RMC1: variants seen among roughly 807,000 people sequenced by gnomAD.
RMC1 encodes regulator of MON1-CCZ1 complex.
RMC1 carries 44 observed loss-of-function variants against 95.5 expected under a neutral mutation model. That is an observed-to-expected ratio of 0.46 (90% CI 0.36 to 0.59). The LOEUF is 0.59. RMC1 is among the 20% of genes least tolerant of loss of function. The pLI is 0.00. For missense variants in RMC1, 705 were observed against 819.6 expected (o/e 0.86, Z 1.71); for synonymous variants, 320 against 303.6 (o/e 1.05, Z -0.56).
At chr18:23,515,753 G>A (rs1215855519) in intron 5 of RMC1, 103 bp from the exon 6 acceptor site, 17 of 1,387,458 alleles carry the variant, frequency 1.2e-5, no homozygotes, top group African/African-American at 8.6e-5. Flanking sequence ...GGCTGGTCTC[G>A]AACTCCTGAC....
At chr18:23,512,811 T>C (rs188396644) in intron 5 of RMC1, among the ~76,000 whole-genome samples, 1 of 152,318 alleles carries the variant, frequency 6.6e-6, no homozygotes, top group South Asian at 2.1e-4. Flanking sequence ...AGTTCAGTAG[T>C]GTTAAGTATA....
chr18:23,511,643 T>G (rs933008406), intron 5 of RMC1, among the ~76,000 whole-genome samples: 1 of 152,174 alleles, frequency 6.6e-6, no homozygotes, highest in Non-Finnish European at 1.5e-5. Context: ...ATATAAACTT[T>G]TGCAGCTAGC....
intron 6 of RMC1, 81 bp from the exon 7 acceptor site, chr18:23,516,239 C>T: frequency 1.3e-6 from 2 of 1,501,942 alleles, no homozygotes; most frequent in Non-Finnish European, 1.9e-6. Flanking sequence ...CTGTGTTTAT[C>T]CTTGTTGGTT....
At chr18:23,510,417 GT>G (rs1264146827) in intron 5 of RMC1, among the ~76,000 whole-genome samples, 1 of 152,060 alleles carries the variant, frequency 6.6e-6, no homozygotes, top group East Asian at 1.9e-4. Context: ...GGAGACCGAG[GT>G]GGGCAGATCA....
chr18:23,531,398 ATG>A (rs2058500123), intron 19 of RMC1: 2 of 809,992 alleles, frequency 2.5e-6, no homozygotes, highest in Non-Finnish European at 3.6e-6. Flanking sequence ...TTCTAGCTCA[ATG>A]TAAGACGGCA....
chr18:23,528,180 C>T (rs2058364179), intron 14 of RMC1: 3 of 299,220 alleles, frequency 1.0e-5, no homozygotes, highest in African/African-American at 6.6e-5. Flanking sequence ...CCTTGGTCTA[C>T]TGTTATAGAT....
intron 16 of RMC1, 139 bp downstream of exon 16, chr18:23,529,851 T>G: frequency 9.5e-7 from 1 of 1,051,360 alleles, no homozygotes; most frequent in Admixed American, 2.0e-5. Context: ...CCTGACATTA[T>G]TAGTTGGAAT....
chr18:23,508,125 C>A, intron 4 of RMC1, 84 bp downstream of exon 4: 1 of 1,233,084 alleles, frequency 8.1e-7, no homozygotes, highest in Non-Finnish European at 1.1e-6. Flanking sequence ...ATTGGGGTCG[C>A]AGGGAGCACA....
rs1371764248 is a variant in RMC1, at chr18:23,530,272, A to C, written c.1643A>C (p.His548Pro). The change falls in exon 18 of 20, where the codon CAT (histidine) becomes CCT (proline). Residue 548 changes from histidine (H) to proline (P), a missense_variant. Physicochemically the swap from His to Pro is moderately conservative, Grantham distance 77 (BLOSUM62 -2). Coordinates refer to ENST00000269221, the MANE Select transcript of RMC1 (RefSeq NM_013326.5). ...CTAGAGAGTTTCTATCCTCCTGCTC[A>C]TCAGCTATCTCTGGACATGCTGAAG... The part of the protein sequence containing the change: ...LSLESFYPPA[H>P]QLSLDMLKRL... 2 of 1,614,218 alleles carry C rather than the reference A, an allele frequency of 1.2e-6. No individual in the cohort carries two copies. The highest frequency in any genetic ancestry group is 1.7e-6 in the Non-Finnish European group (2 of 1,180,034).
intron 4 of RMC1, among the ~76,000 whole-genome samples, chr18:23,508,389 G>A (rs1410850849): frequency 6.6e-6 from 1 of 152,126 alleles, no homozygotes; most frequent in East Asian, 1.9e-4. Context: ...CACCTGGAGT[G>A]GAGGTTTCTG....
Position 23,511,534 on chromosome 18 carries a change from T to C in RMC1, c.408+2255T>C, listed in dbSNP as rs372398828. On this transcript the variant is annotated intron_variant, in intron 5 of 19. Transcript: ENST00000269221. ...TGTAATATGGAAAGCAAATGTTCCC[T>C]ATAATCCCGATAAATAATTATTATG... is the stretch of plus-strand genomic sequence containing the variant. 5.3e-5 allele frequency among the ~76,000 whole-genome samples: 8 copies of C among 152,318 alleles called. No individual in the cohort carries two copies. The East Asian group carries it at 1.3e-3, about 26-fold the overall frequency.
chr18:23,510,019 T>TA lies in RMC1; in HGVS notation c.408+754dup, dbSNP rs531660350. Among the ~76,000 whole-genome samples the TA allele has an allele frequency of 7.0e-3, 926 of 132,268 alleles. 14 individuals carry two copies. The highest frequency in any genetic ancestry group is 0.064 in the East Asian group (297 of 4,668). 86.8% of individuals were successfully genotyped at this position (132,268 alleles called of 152,430 possible). On this transcript the variant is annotated intron_variant, in intron 5 of 19. Transcript: ENST00000269221. ...TTTTTTATAATTGCAAGTAATAAAT[T>TA]AAAAAAAAAAAAAAGAAAAGAAAAA...
chr18:23,524,061 T>C (rs2145239696), intron 10 of RMC1, 69 bp from the exon 11 acceptor site: 1 of 1,464,952 alleles, frequency 6.8e-7, no homozygotes, highest in Non-Finnish European at 9.6e-7. Context: ...TTGACTTTTG[T>C]GTCATAAGTA....
intron 2 of RMC1, among the ~76,000 whole-genome samples, chr18:23,505,498 G>C (rs2057692081): frequency 6.6e-6 from 1 of 152,212 alleles, no homozygotes; most frequent in African/African-American, 2.4e-5. Flanking sequence ...GCAGGGGCCA[G>C]CTTGAACCTT....
chr18:23,505,773 G>A (rs936837174), intron 2 of RMC1, among the ~76,000 whole-genome samples: 3 of 152,302 alleles, frequency 2.0e-5, no homozygotes, highest in East Asian at 1.9e-4. Context: ...CGTAAGACCC[G>A]GGGGTCGGTT....
chr18:23,529,429 C>A (rs1203358554), intron 15 of RMC1, 131 bp downstream of exon 15: 2 of 1,413,568 alleles, frequency 1.4e-6, no homozygotes, highest in African/African-American at 2.9e-5. Flanking sequence ...TTGGGTGAGG[C>A]CCTAGAGCTG....
intron 5 of RMC1, among the ~76,000 whole-genome samples, chr18:23,512,599 C>CTTT (rs761104196): frequency 7.0e-6 from 1 of 141,894 alleles, no homozygotes. Flanking sequence ...TTTTTTTTTC[C>CTTT]TTTTTTTTTT....
Position 23,530,062 on chromosome 18 carries a change from T to G in RMC1, c.1529T>G (p.Val510Gly), listed in dbSNP as rs1164820747. 2 of 1,614,224 alleles carry G rather than the reference T, an allele frequency of 1.2e-6. No individual in the cohort carries two copies. The highest frequency in any genetic ancestry group is 1.7e-6 in the Non-Finnish European group (2 of 1,180,030). The change falls in exon 17 of 20, where the codon GTC becomes GGC. Residue 510 changes from valine (V) to glycine (G), a missense_variant. By Grantham distance (109) the Val-to-Gly change is moderately radical. Coordinates refer to ENST00000269221, the MANE Select transcript of RMC1 (RefSeq NM_013326.5). ...CATGAACTTGTTATCAAAACCCTTG[T>G]CCAGCACAACCTCTTTTATATGCTG... The part of the protein sequence containing the change: ...YLHELVIKTL[V>G]QHNLFYMLHQ...
intron 5 of RMC1, 53 bp downstream of exon 5, chr18:23,509,332 G>C: frequency 1.2e-6 from 1 of 861,524 alleles, no homozygotes; most frequent in Non-Finnish European, 1.7e-6. Context: ...ATAGCATTCT[G>C]GCAGCCTTTT....
Sources: gnomAD v4.1 joint callset for allele counts (sites outside exome capture counted in the v4.1 genomes callset) on GRCh38, gnomAD v4.1.1 for gene constraint, MANE v1.5 for transcripts, NCBI Gene and HGNC (gene_info 2026-07-23, HGNC 2026-07-21) for gene names.